The following EYA1 variants were observed in gnomAD, a reference collection of about 807,000 sequenced individuals.
EYA1 encodes the protein protein phosphatase EYA1.
A neutral mutation model predicts 82.0 loss-of-function variants in EYA1; 16 were observed. The ratio of observed to expected loss-of-function variants is 0.20; its 90% confidence interval spans 0.13 to 0.30. The LOEUF (loss-of-function observed/expected upper bound fraction) is 0.30. EYA1 is among the 10% of genes least tolerant of loss of function. The pLI, the probability that EYA1 is intolerant of heterozygous loss-of-function variation, is 1.00. For synonymous variants in EYA1, 261 were observed against 264.4 expected, an observed-to-expected ratio of 0.99 and a Z score of 0.12; for missense variants, 633 against 730.7, an observed-to-expected ratio of 0.87 and a Z score of 1.54.
chr8:71,461,024 CA>C (rs1420632540), intron 2 of EYA1, among the ~76,000 whole-genome samples: 12 of 152,134 alleles, frequency 7.9e-5, no homozygotes, highest in Non-Finnish European at 1.8e-4. Flanking sequence ...GCAAATAAAA[CA>C]ATTGGTTATA....
chr8:71,297,274 A>T (rs991699263), intron 9 of EYA1, among the ~76,000 whole-genome samples: 1 of 151,816 alleles, frequency 6.6e-6, no homozygotes, highest in Admixed American at 6.6e-5. Context: ...CACCATCCCC[A>T]CTCTCTCACA....
chr8:71,255,477 TA>T (rs1814293884), intron 11 of EYA1, among the ~76,000 whole-genome samples: 1 of 152,118 alleles, frequency 6.6e-6, no homozygotes, highest in African/African-American at 2.4e-5. Context: ...ATAAGGGTGC[TA>T]AGACCATTCA....
chr8:71,472,424 T>A (rs1428850420), intron 2 of EYA1, among the ~76,000 whole-genome samples: 1 of 152,142 alleles, frequency 6.6e-6, no homozygotes, highest in Non-Finnish European at 1.5e-5. Context: ...CTTGCTGTTT[T>A]GGGTTGTTTT....
intron 9 of EYA1, among the ~76,000 whole-genome samples, chr8:71,298,333 TA>T (rs1819811435): frequency 6.6e-6 from 1 of 152,154 alleles, no homozygotes; most frequent in East Asian, 1.9e-4. Context: ...ATTAACTCTT[TA>T]AAAAGTTAAG....
At chr8:71,349,868 CTAA>C (rs1371758057) in intron 3 of EYA1, among the ~76,000 whole-genome samples, 1 of 152,040 alleles carries the variant, frequency 6.6e-6, no homozygotes, top group Non-Finnish European at 1.5e-5. Context: ...ATCACAGTGA[CTAA>C]TAATAGGTTA....
At chr8:71,341,990 T>G (rs1586458537) in intron 3 of EYA1, among the ~76,000 whole-genome samples, 1 of 152,362 alleles carries the variant, frequency 6.6e-6, no homozygotes, top group African/African-American at 2.4e-5. Flanking sequence ...AAATCACGAC[T>G]GCTCCTTTGT....
intron 11 of EYA1, among the ~76,000 whole-genome samples, chr8:71,245,898 G>C (rs929633201): frequency 1.3e-5 from 2 of 152,078 alleles, no homozygotes; most frequent in Non-Finnish European, 2.9e-5. Flanking sequence ...AGTGCACCGT[G>C]GTTTCTATCT....
chr8:71,220,655 G>A (rs1359755793), intron 12 of EYA1, among the ~76,000 whole-genome samples: 1 of 152,194 alleles, frequency 6.6e-6, no homozygotes, highest in East Asian at 1.9e-4. Flanking sequence ...TAACATTCTA[G>A]TTAGTCACAA....
chr8:71,219,264 C>G (rs981043495), intron 12 of EYA1, among the ~76,000 whole-genome samples: 1 of 152,178 alleles, frequency 6.6e-6, no homozygotes, highest in Non-Finnish European at 1.5e-5. Flanking sequence ...AAGCTTTTAC[C>G]TGCAGATAGC....
chr8:71,361,528 T>C (rs776258169), intron 1 of EYA1, 119 bp downstream of exon 1: 12 of 383,476 alleles, frequency 3.1e-5, no homozygotes, highest in Admixed American at 1.3e-4. Context: ...CATGCCATAA[T>C]GTTTTTCTTT....
chr8:71,431,066 C>T (rs1805586421), intron 2 of EYA1, among the ~76,000 whole-genome samples: 1 of 152,200 alleles, frequency 6.6e-6, no homozygotes, highest in East Asian at 1.9e-4. Context: ...TGTCCTAGAC[C>T]GTAATGTCTT....
intron 2 of EYA1, among the ~76,000 whole-genome samples, chr8:71,433,780 A>T (rs893181897): frequency 8.5e-5 from 13 of 152,218 alleles, no homozygotes; most frequent in African/African-American, 2.7e-4. Flanking sequence ...GGGCCAGATC[A>T]TTCAGCATCC....
At chr8:71,316,662 C>G (rs981729408) in intron 7 of EYA1, among the ~76,000 whole-genome samples, 5 of 151,962 alleles carry the variant, frequency 3.3e-5, no homozygotes, top group African/African-American at 4.8e-5. Context: ...GAAGAATAAG[C>G]TAAAATATAC....
chr8:71,276,849 G>A (rs1014037591), intron 9 of EYA1, among the ~76,000 whole-genome samples: 10 of 152,180 alleles, frequency 6.6e-5, no homozygotes, highest in African/African-American at 1.9e-4. Flanking sequence ...TTGCTTGCTC[G>A]TTATTTAGCC....
intron 12 of EYA1, among the ~76,000 whole-genome samples, chr8:71,218,852 G>A (rs1340665634): frequency 6.6e-6 from 1 of 151,996 alleles, no homozygotes; most frequent in Non-Finnish European, 1.5e-5. Flanking sequence ...GAAGGCCATA[G>A]CGCCATGATG....
intron 2 of EYA1, among the ~76,000 whole-genome samples, chr8:71,477,447 T>A: frequency 6.6e-6 from 1 of 151,972 alleles, no homozygotes; most frequent in African/African-American, 2.4e-5. Flanking sequence ...ACACAAATGG[T>A]CACATGAAAA....
At chr8:71,478,698 T>C (rs532555943) in intron 2 of EYA1, among the ~76,000 whole-genome samples, 4 of 152,290 alleles carry the variant, frequency 2.6e-5, no homozygotes, top group Non-Finnish European at 5.9e-5. Context: ...AGGAAATAGC[T>C]GCTGGGCCCT....
chr8:71,512,423 A>G (rs1563690351), intron 2 of EYA1, among the ~76,000 whole-genome samples: 1 of 152,112 alleles, frequency 6.6e-6, no homozygotes. Flanking sequence ...CAGATGAGAC[A>G]ATAAAACAAT....
chr8:71,350,955 T>TTCTCA (rs1826249034), intron 3 of EYA1, among the ~76,000 whole-genome samples: 1 of 152,182 alleles, frequency 6.6e-6, no homozygotes, highest in Non-Finnish European at 1.5e-5. Flanking sequence ...TCCCAACTAC[T>TTCTCA]TCTCATGCTT....
Sources: allele counts gnomAD v4.1 joint callset (sites outside exome capture counted in the v4.1 genomes callset), GRCh38; gene constraint gnomAD v4.1.1; transcripts MANE v1.5; gene names NCBI Gene and HGNC (gene_info 2026-07-23, HGNC 2026-07-21).